The following SUMO2 variants were observed in gnomAD, a reference collection of about 807,000 sequenced individuals.
SUMO2 encodes the protein small ubiquitin-related modifier 2.
SUMO2 carries 1 observed loss-of-function variant against 16.0 expected under a neutral mutation model. The ratio of observed to expected loss-of-function variants is 0.06; its 90% CI spans 0.02 to 0.30. SUMO2 has a LOEUF of 0.30. Among genes scored for constraint, SUMO2 ranks in the 10% least tolerant of loss-of-function variants. The pLI, the probability that SUMO2 is intolerant of heterozygous loss-of-function variation, is 1.00. For synonymous variants in SUMO2, 36 were observed against 40.6 expected (o/e 0.89, Z 0.43); for missense variants, 16 against 117.5 (o/e 0.14, Z 3.99).
intron 2 of SUMO2, among the ~76,000 whole-genome samples, chr17:75,178,041 C>T (rs1020061604): frequency 2.7e-5 from 4 of 148,314 alleles, no homozygotes; most frequent in African/African-American, 1.0e-4. Context: ...GCCTATAGTC[C>T]CAACTACCTG....
chr17:75,170,921 T>TA (rs2074733239), intron 3 of SUMO2, among the ~76,000 whole-genome samples: 1 of 151,760 alleles, frequency 6.6e-6, no homozygotes, highest in Non-Finnish European at 1.5e-5. Context: ...ATATAGCCGT[T>TA]AAAAAATAAG....
chr17:75,180,998 G>C, intron 2 of SUMO2, 59 bp downstream of exon 2: 4 of 1,598,876 alleles, frequency 2.5e-6, no homozygotes, highest in Admixed American at 1.7e-5. Flanking sequence ...TTGTTCCCAT[G>C]AAAATAAGAT....
intron 2 of SUMO2, among the ~76,000 whole-genome samples, chr17:75,176,020 T>C (rs1483539467): frequency 6.6e-6 from 1 of 151,380 alleles, no homozygotes; most frequent in Admixed American, 6.6e-5. Context: ...CAAATATGCA[T>C]TTAAATGAGT....
intron 2 of SUMO2, among the ~76,000 whole-genome samples, chr17:75,175,779 C>A (rs1403210707): frequency 6.6e-6 from 1 of 151,654 alleles, no homozygotes; most frequent in Non-Finnish European, 1.5e-5. Context: ...ATTACAGGCG[C>A]TTGCCATCAT....
In SUMO2 at chr17:75,167,691, A is replaced by T. The variant is rs942288548; in HGVS notation, c.*648T>A. ...CCTATTTATGTTTTTTCTAAGCCTC[A>T]ATTTTCTATTTAATATTTCTCAGAA... On this transcript the variant is annotated 3_prime_UTR_variant, in exon 4 of 4. Transcript: ENST00000420826. The T allele has an allele frequency of 6.6e-6, 1 of 152,532 alleles. No homozygotes were observed. Among genetic ancestry groups the T allele is most frequent in the African/African-American group, 2.4e-5 (1 of 41,448 alleles). 9.4% of individuals were successfully genotyped at this position (152,532 alleles called of 1,614,324 possible). A position where few individuals can be genotyped will look rare whatever the true frequency, so the allele number is the denominator to read the frequency against.
intron 3 of SUMO2, among the ~76,000 whole-genome samples, chr17:75,171,795 A>C (rs959187566): frequency 2.0e-5 from 3 of 152,136 alleles, no homozygotes; most frequent in African/African-American, 7.2e-5. Flanking sequence ...AAAGACAGGA[A>C]ATACATTCTA....
In SUMO2 at chr17:75,168,420, C is replaced by G. The variant is rs777316008; in HGVS notation, c.226-19G>C. ...TTTCCAACTAGCATAAAAGAAAAAA[C>G]AAATGTAAAAGCACTGATTAAGTTC... is the stretch of plus-strand genomic sequence containing the variant. On this transcript the variant is annotated intron_variant, in intron 3 of 3. Transcript: ENST00000420826. 3 of 1,595,742 alleles carry G rather than the reference C, an allele frequency of 1.9e-6. No homozygotes were observed.
At chr17:75,181,957 GA>G (rs929211332) in intron 1 of SUMO2, among the ~76,000 whole-genome samples, 2 of 152,074 alleles carry the variant, frequency 1.3e-5, no homozygotes, top group African/African-American at 4.8e-5. Context: ...AAACGCTCCA[GA>G]AAGTAAAGGC....
At chr17:75,182,656 G>C (rs539214324) in intron 1 of SUMO2, 158 bp downstream of exon 1, 11 of 471,388 alleles carry the variant, frequency 2.3e-5, no homozygotes, top group African/African-American at 1.9e-4. Context: ...AAGAGAGGGA[G>C]GGAGGAAAAT....
chr17:75,171,793 G>A (rs1291490631), intron 3 of SUMO2, among the ~76,000 whole-genome samples: 2 of 152,020 alleles, frequency 1.3e-5, no homozygotes, highest in East Asian at 3.9e-4. Flanking sequence ...TTAAAGACAG[G>A]AAATACATTC....
intron 2 of SUMO2, among the ~76,000 whole-genome samples, chr17:75,177,958 C>T (rs1378658418): frequency 1.6e-5 from 2 of 125,288 alleles, no homozygotes; most frequent in African/African-American, 5.8e-5. Context: ...CACTACACTC[C>T]AGTCTGACCG....
chr17:75,181,915 A>C (rs2074832074), intron 1 of SUMO2, among the ~76,000 whole-genome samples: 1 of 151,214 alleles, frequency 6.6e-6, no homozygotes, highest in South Asian at 2.1e-4. Flanking sequence ...AAGTTGTCCA[A>C]AATCGAGTGC....
In SUMO2 at chr17:75,180,400, A is replaced by AC. The variant is rs1319844890; in HGVS notation, c.153+656_153+657insG. On this transcript the variant is annotated intron_variant, in intron 2 of 3. Transcript: ENST00000420826. ...GAGTGAGACTCCCAGCTTAAAAAAA[A>AC]AAAAAAAAAAAAAAAAAAAAACGAC... Among the ~76,000 whole-genome samples, 9 of 135,650 alleles carry AC rather than the reference A, an allele frequency of 6.6e-5. No individual in the cohort carries two copies. In the East Asian group the frequency reaches 1.9e-3, roughly 29 times the overall value. The allele number at this position is 135,650 out of a possible 152,430, so 89.0% of individuals were successfully genotyped here.
chr17:75,175,766 G>A (rs2074777816), intron 2 of SUMO2, among the ~76,000 whole-genome samples: 1 of 151,758 alleles, frequency 6.6e-6, no homozygotes, highest in Admixed American at 6.6e-5. Context: ...CCGAGTAGCT[G>A]GGATTACAGG....
At chr17:75,175,399 C>T (rs1420901438) in intron 2 of SUMO2, among the ~76,000 whole-genome samples, 4 of 151,960 alleles carry the variant, frequency 2.6e-5, no homozygotes, top group Admixed American at 2.6e-4. Context: ...CGGCTCACTG[C>T]AACCTCCACC....
intron 3 of SUMO2, 121 bp downstream of exon 3, chr17:75,174,631 T>G: frequency 1.2e-6 from 1 of 800,896 alleles, no homozygotes; most frequent in Non-Finnish European, 1.9e-6. Context: ...CTGGTCATAC[T>G]TCCCAAAGCT....
intron 3 of SUMO2, among the ~76,000 whole-genome samples, chr17:75,172,723 C>A (rs1434430948): frequency 6.6e-6 from 1 of 152,028 alleles, no homozygotes; most frequent in Non-Finnish European, 1.5e-5. Context: ...GATCCGCCCA[C>A]CTCGGCCTCC....
intron 1 of SUMO2, 161 bp downstream of exon 1, chr17:75,182,653 G>A: frequency 2.2e-6 from 1 of 459,750 alleles, no homozygotes. Context: ...AGGAAGAGAG[G>A]GAGGGAGGAA....
intron 2 of SUMO2, 124 bp from the exon 3 acceptor site, chr17:75,174,947 G>T: frequency 1.2e-6 from 1 of 814,848 alleles, no homozygotes; most frequent in Non-Finnish European, 1.9e-6. Flanking sequence ...TTGCCAACAT[G>T]TTAACATACC....
Sources: gnomAD v4.1 joint callset for allele counts (sites outside exome capture counted in the v4.1 genomes callset) on GRCh38, gnomAD v4.1.1 for gene constraint, MANE v1.5 for transcripts, NCBI Gene and HGNC (gene_info 2026-07-23, HGNC 2026-07-21) for gene names.